Variants in NLK observed in about 807,000 individuals in gnomAD.
The protein encoded by NLK is serine/threonine-protein kinase NLK.
A neutral mutation model predicts 59.0 loss-of-function variants in NLK; 11 were observed. The ratio of observed to expected loss-of-function variants is 0.19; its 90% CI spans 0.12 to 0.31. The LOEUF is 0.31. Ranked by LOEUF, NLK falls within the 10% of genes least tolerant of loss-of-function variation. The pLI is 1.00. For missense variants in NLK, 410 were observed against 661.1 expected, an observed-to-expected ratio of 0.62 and a Z score of 4.16; for synonymous variants, 235 against 235.9, an observed-to-expected ratio of 1.00 and a Z score of 0.03.
intron 1 of NLK, among the ~76,000 whole-genome samples, chr17:28,071,282 T>G (rs541634220): frequency 6.6e-6 from 1 of 152,322 alleles, no homozygotes; most frequent in South Asian, 2.1e-4. Context: ...TCTAGAAGCT[T>G]TGTGTTTTCA....
At chr17:28,115,430 C>T (rs1905722949) in intron 1 of NLK, among the ~76,000 whole-genome samples, 1 of 152,202 alleles carries the variant, frequency 6.6e-6, no homozygotes, top group Non-Finnish European at 1.5e-5. Flanking sequence ...CACTGCTCTG[C>T]AGAGCCAACT....
intron 3 of NLK, among the ~76,000 whole-genome samples, chr17:28,160,697 G>T (rs972499832): frequency 4.6e-5 from 7 of 152,128 alleles, no homozygotes; most frequent in Non-Finnish European, 1.0e-4. Flanking sequence ...ATGTGTTTAG[G>T]AATACCATAT....
At chr17:28,180,089 G>T (rs1019251999) in intron 7 of NLK, among the ~76,000 whole-genome samples, 1 of 152,000 alleles carries the variant, frequency 6.6e-6, no homozygotes. Flanking sequence ...TTTAATCGTT[G>T]TCTTTCTGAA....
At chr17:28,096,885 C>A (rs1040818604) in intron 1 of NLK, among the ~76,000 whole-genome samples, 13 of 152,166 alleles carry the variant, frequency 8.5e-5, no homozygotes, top group African/African-American at 3.1e-4. Flanking sequence ...GAGGTGTATT[C>A]TTCTTCCAGT....
At chr17:28,106,842 T>C (rs1267969078) in intron 1 of NLK, among the ~76,000 whole-genome samples, 2 of 152,152 alleles carry the variant, frequency 1.3e-5, no homozygotes, top group Non-Finnish European at 1.5e-5. Context: ...TAGCATAGCT[T>C]AACTCATAAT....
At chr17:28,204,786 G>A in the NLK span, among the ~76,000 whole-genome samples, 1 of 152,200 alleles carries the variant, frequency 6.6e-6, no homozygotes, top group Non-Finnish European at 1.5e-5. Context: ...GGGGTTCAGG[G>A]CTGGATATAT....
chr17:28,109,305 TA>T lies in NLK; in HGVS notation c.459-13294del, dbSNP rs1905360819. ...GGGGATAGAAGGAAACTGTACAGAATAAAATCAGAATAGGGCCTACAATATT... is the reference window on the plus strand; with the variant it reads ...GGGGATAGAAGGAAACTGTACAGAATAAATCAGAATAGGGCCTACAATATT... On this transcript the variant is annotated intron_variant, in intron 1 of 10. Coordinates refer to ENST00000407008, the MANE Select transcript of NLK (RefSeq NM_016231.5). Among the ~76,000 whole-genome samples the T allele has an allele frequency of 2.0e-5, 3 of 152,280 alleles. No individual in the cohort carries two copies. In the South Asian group the frequency reaches 6.2e-4, roughly 32 times the overall value.
At chr17:28,087,599 A>G (rs1315394592) in intron 1 of NLK, among the ~76,000 whole-genome samples, 1 of 152,198 alleles carries the variant, frequency 6.6e-6, no homozygotes, top group East Asian at 1.9e-4. Flanking sequence ...ATATTTGGGG[A>G]ATAGCTATTG....
chr17:28,167,686 CA>C (rs371790122), intron 5 of NLK, among the ~76,000 whole-genome samples: 2,609 of 93,768 alleles, frequency 0.028, 55 homozygotes, highest in African/African-American at 0.074. Context: ...CTCATCCCTA[CA>C]AAAAAAAAAA....
chr17:28,094,657 G>A (rs1328826499), intron 1 of NLK, among the ~76,000 whole-genome samples: 1 of 152,194 alleles, frequency 6.6e-6, no homozygotes, highest in East Asian at 1.9e-4. Flanking sequence ...AGGTGGGTGG[G>A]TGGTGGGGAG....
chr17:28,187,737 T>G (rs1299028310), intron 8 of NLK, among the ~76,000 whole-genome samples: 1 of 152,246 alleles, frequency 6.6e-6, no homozygotes, highest in African/African-American at 2.4e-5. Flanking sequence ...AAGTTCTACA[T>G]GTGACATGTA....
downstream of NLK, among the ~76,000 whole-genome samples, chr17:28,199,004 G>A (rs1373722989): frequency 6.6e-6 from 1 of 152,168 alleles, no homozygotes; most frequent in Non-Finnish European, 1.5e-5. Flanking sequence ...GGTTTTTGTG[G>A]AAACACATAT....
intron 1 of NLK, among the ~76,000 whole-genome samples, chr17:28,057,170 G>T (rs1043699913): frequency 1.3e-5 from 2 of 151,948 alleles, no homozygotes; most frequent in Non-Finnish European, 2.9e-5. Context: ...GGTCAGCCTG[G>T]TCTCGAACTC....
chr17:28,072,692 T>C (rs1353670828), intron 1 of NLK, among the ~76,000 whole-genome samples: 1 of 152,194 alleles, frequency 6.6e-6, no homozygotes, highest in Non-Finnish European at 1.5e-5. Context: ...ATTTGTAAGT[T>C]TCATACCTTA....
At chr17:28,073,645 G>A (rs1011002578) in intron 1 of NLK, among the ~76,000 whole-genome samples, 6 of 151,944 alleles carry the variant, frequency 3.9e-5, no homozygotes, top group South Asian at 4.2e-4. Context: ...GTCCATAATC[G>A]GTCCTGTCTC....
Position 28,097,140 on chromosome 17 carries a change from G to A in NLK, c.459-25463G>A, listed in dbSNP as rs74256935. ...TTTGTTTGGGATATAACTTAAAAAT[G>A]AGACACCAAGGTACAAGATGCATAT... On this transcript the variant is annotated intron_variant, in intron 1 of 10. Transcript: ENST00000407008. Among the ~76,000 whole-genome samples, 66 of 152,246 alleles carry A rather than the reference G, an allele frequency of 4.3e-4. No individual in the cohort carries two copies. The East Asian group carries it at 6.6e-3, about 15-fold the overall frequency.
chr17:28,177,733 A>G (rs761091866), intron 7 of NLK, among the ~76,000 whole-genome samples: 9 of 152,238 alleles, frequency 5.9e-5, no homozygotes, highest in Admixed American at 1.3e-4. Flanking sequence ...GTGTTTGGCT[A>G]TAAGTAGTAG....
At chr17:28,200,477 TTTATTA>T (rs1186464638), downstream of NLK, among the ~76,000 whole-genome samples, 2 of 152,284 alleles carry the variant, frequency 1.3e-5, no homozygotes, top group East Asian at 3.9e-4. Flanking sequence ...TTTATGTTAC[TTTATTA>T]TTATTAATTT....
chr17:28,185,508 A>G (rs867855548), intron 8 of NLK, among the ~76,000 whole-genome samples: 1 of 152,122 alleles, frequency 6.6e-6, no homozygotes. Context: ...TATTTATCTC[A>G]TTATTTGTAA....
Sources: allele counts gnomAD v4.1 joint callset (sites outside exome capture counted in the v4.1 genomes callset), GRCh38; gene constraint gnomAD v4.1.1; transcripts MANE v1.5; gene names NCBI Gene and HGNC (gene_info 2026-07-23, HGNC 2026-07-21).